Variants in NIBAN1 observed in about 807,000 individuals in gnomAD.
The protein encoded by NIBAN1 is niban apoptosis regulator 1.
Under a neutral mutation model 75.1 loss-of-function variants are expected in NIBAN1, and 81 were observed. The ratio of observed to expected loss-of-function variants is 1.08; its 90% CI spans 0.90 to 1.30. The LOEUF (loss-of-function observed/expected upper bound fraction) is 1.30, where lower values mean the gene tolerates loss of function less well. Among genes scored for constraint, NIBAN1 ranks in the 50% most tolerant of loss-of-function variants. NIBAN1 has a pLI of 0.00. For missense variants in NIBAN1, 1,133 were observed against 1,128.1 expected (o/e 1.00, Z -0.06); for synonymous variants, 436 against 424.8 (o/e 1.03, Z -0.32).
chr1:184,831,990 C>A, intron 5 of NIBAN1, 28 bp from the exon 6 acceptor site: 2 of 1,510,286 alleles, frequency 1.3e-6, no homozygotes, highest in Non-Finnish European at 1.8e-6. Flanking sequence ...GGGCATTCAG[C>A]AAGATAAAAC....
chr1:184,942,060 GT>G (rs138445392), intron 1 of NIBAN1, among the ~76,000 whole-genome samples: 1 of 152,056 alleles, frequency 6.6e-6, no homozygotes, highest in Admixed American at 6.5e-5. Flanking sequence ...TGTGCCTACA[GT>G]TTTTTAAAAA....
At chr1:184,944,580 G>A (rs1322370538) in intron 1 of NIBAN1, among the ~76,000 whole-genome samples, 3 of 152,230 alleles carry the variant, frequency 2.0e-5, no homozygotes, top group Admixed American at 2.0e-4. Context: ...TACATGTCAT[G>A]AGGACAAGAA....
At chr1:184,922,489 A>T (rs772492179) in intron 1 of NIBAN1, among the ~76,000 whole-genome samples, 10 of 152,214 alleles carry the variant, frequency 6.6e-5, no homozygotes, top group Non-Finnish European at 1.3e-4. Context: ...AAGTGAGAAC[A>T]TACAAAGGTC....
At chr1:184,946,037 G>A (rs1263948834) in intron 1 of NIBAN1, among the ~76,000 whole-genome samples, 1 of 151,764 alleles carries the variant, frequency 6.6e-6, no homozygotes, top group East Asian at 1.9e-4. Flanking sequence ...AAGAACAAAT[G>A]CAAGAGAGTT....
rs551326694 is a variant in NIBAN1, at chr1:184,962,255, G to T, written c.55+12047C>A. The stretch of plus-strand genomic sequence containing the variant: ...TTGTCTCTGATTTTAAAAACAGTTT[G>T]TTCAACAGCTTTCCATAATCATAAT... On this transcript the variant is annotated intron_variant, in intron 1 of 13. Coordinates refer to ENST00000367511, the MANE Select transcript of NIBAN1 (RefSeq NM_052966.4). 2.0e-5 allele frequency among the ~76,000 whole-genome samples: 3 copies of T among 152,132 alleles called. No homozygotes were observed. The South Asian group carries it at 6.2e-4, about 31-fold the overall frequency.
At chr1:184,886,749 C>A (rs1656536192) in intron 4 of NIBAN1, among the ~76,000 whole-genome samples, 1 of 152,170 alleles carries the variant, frequency 6.6e-6, no homozygotes, top group Non-Finnish European at 1.5e-5. Flanking sequence ...GGAAGAAGGT[C>A]TCTCTAAGAG....
intron 10 of NIBAN1, among the ~76,000 whole-genome samples, chr1:184,806,488 C>G (rs1407501364): frequency 6.6e-6 from 1 of 152,156 alleles, no homozygotes; most frequent in East Asian, 1.9e-4. Context: ...TGGGTGGGGA[C>G]AGTGGCTGAC....
chr1:184,806,001 C>G lies in NIBAN1; in HGVS notation c.1391G>C (p.Gly464Ala), dbSNP rs771985074. ...FEQLLSPHLQ[G>A]EASKTAVAIE... ...GGCAACTGCAGTTTTGGAGGCCTCT[C>G]CTTGGAGATGTGGGGAAAGCAACTG... The change falls in exon 11 of 14, where the codon GGA (glycine) becomes GCA (alanine). Residue 464 changes from glycine (G) to alanine (A), a missense_variant. Transcript: ENST00000367511. 6.2e-6 allele frequency: 10 copies of G among 1,614,194 alleles called. No homozygotes were observed. Among genetic ancestry groups the G allele is most frequent in the Non-Finnish European group, 8.5e-6 (10 of 1,180,026 alleles).
intron 5 of NIBAN1, among the ~76,000 whole-genome samples, chr1:184,858,688 C>T (rs111801875): frequency 0.022 from 3,308 of 152,224 alleles, 84 homozygotes; most frequent in East Asian, 0.072. Flanking sequence ...TCTCTCTTCA[C>T]GGGCACTGCC....
At chr1:184,945,243 C>G (rs1181114876) in intron 1 of NIBAN1, among the ~76,000 whole-genome samples, 2 of 152,150 alleles carry the variant, frequency 1.3e-5, no homozygotes, top group African/African-American at 4.8e-5. Context: ...TGGAGAGATA[C>G]CAGCTAGTGA....
intron 5 of NIBAN1, among the ~76,000 whole-genome samples, chr1:184,858,763 T>G (rs2102272920): frequency 6.6e-6 from 1 of 152,286 alleles, no homozygotes; most frequent in African/African-American, 2.4e-5. Flanking sequence ...GTGATAGTGG[T>G]AAACCTGGGA....
intron 5 of NIBAN1, among the ~76,000 whole-genome samples, chr1:184,874,174 A>G (rs900275736): frequency 1.3e-5 from 2 of 151,978 alleles, no homozygotes; most frequent in Non-Finnish European, 2.9e-5. Context: ...TAGAATATAA[A>G]ATATATTGTG....
intron 5 of NIBAN1, among the ~76,000 whole-genome samples, chr1:184,854,862 A>C (rs639593): frequency 0.089 from 13,515 of 152,272 alleles, 798 homozygotes; most frequent in African/African-American, 0.17. Context: ...AATCCATGGA[A>C]CTATTTGAAA....
rs1653696411 is a variant in NIBAN1 at position 184,791,532 on chromosome 1, A to C, written c.*3445T>G. On this transcript the variant is annotated 3_prime_UTR_variant, in exon 14 of 14. Coordinates refer to ENST00000367511, the MANE Select transcript of NIBAN1 (RefSeq NM_052966.4). ...AAAGAAAGTTTACTATGTGTAATGC[A>C]AGGCACTTATGTCTCTGCTTAAAGC... is the stretch of plus-strand genomic sequence containing the variant. 1 of 151,850 alleles carries C rather than the reference A, an allele frequency of 6.6e-6. No individual in the cohort carries two copies. The highest frequency in any genetic ancestry group is 2.4e-5 in the African/African-American group (1 of 41,240). The allele number at this position is 151,850 out of a possible 1,614,324, so 9.4% of individuals were successfully genotyped here. A position where few individuals can be genotyped will look rare whatever the true frequency, so the allele number is the denominator to read the frequency against.
At chr1:184,951,006 G>T (rs747870190) in intron 1 of NIBAN1, among the ~76,000 whole-genome samples, 5 of 152,198 alleles carry the variant, frequency 3.3e-5, no homozygotes, top group Non-Finnish European at 7.3e-5. Context: ...TTGAGGCAAT[G>T]GATATAAGCC....
chr1:184,960,988 C>A (rs1206995660), intron 1 of NIBAN1, among the ~76,000 whole-genome samples: 1 of 151,342 alleles, frequency 6.6e-6, no homozygotes, highest in Non-Finnish European at 1.5e-5. Context: ...GCTCACTACA[C>A]TCCCAACATA....
At chr1:184,805,837 G>A (rs1021793556) in intron 11 of NIBAN1, 109 bp downstream of exon 11, 5 of 810,530 alleles carry the variant, frequency 6.2e-6, no homozygotes, top group Non-Finnish European at 1.0e-5. Context: ...AGAGAAAGGA[G>A]TGGGGAAAGA....
chr1:184,886,540 C>T (rs954775134), intron 4 of NIBAN1, among the ~76,000 whole-genome samples: 2 of 152,146 alleles, frequency 1.3e-5, no homozygotes, highest in African/African-American at 4.8e-5. Context: ...AAAATCAATT[C>T]CAAGCAACTC....
intron 5 of NIBAN1, among the ~76,000 whole-genome samples, chr1:184,873,642 C>G (rs1265844716): frequency 6.6e-6 from 1 of 152,188 alleles, no homozygotes; most frequent in Non-Finnish European, 1.5e-5. Flanking sequence ...CTTAGGAACT[C>G]AAATCTCTTT....
Sources: gnomAD v4.1 joint callset for allele counts (sites outside exome capture counted in the v4.1 genomes callset) on GRCh38, gnomAD v4.1.1 for gene constraint, MANE v1.5 for transcripts, NCBI Gene and HGNC (gene_info 2026-07-23, HGNC 2026-07-21) for gene names.